GINS1: variants seen among roughly 807,000 people sequenced by gnomAD.
GINS1 encodes GINS complex subunit 1.
Under a neutral mutation model 34.9 loss-of-function variants are expected in GINS1, and 26 were observed. The ratio of observed to expected loss-of-function variants is 0.74; its 90% CI spans 0.55 to 1.03. GINS1 has a LOEUF of 1.03. GINS1 is among the 50% of genes least tolerant of loss of function. The pLI is 0.00. For missense variants in GINS1, 235 were observed against 237.9 expected (o/e 0.99, Z 0.08); for synonymous variants, 97 against 84.4 (o/e 1.15, Z -0.82).
chr20:25,426,523 A>T (rs1312392743), intron 5 of GINS1, among the ~76,000 whole-genome samples: 5 of 148,632 alleles, frequency 3.4e-5, no homozygotes, highest in African/African-American at 1.2e-4. Flanking sequence ...CCATTGCACA[A>T]TTTTTTTTTT....
At chr20:25,419,643 C>A in intron 4 of GINS1, 1 of 794,844 alleles carries the variant, frequency 1.3e-6, no homozygotes, top group Non-Finnish European at 1.7e-6. Flanking sequence ...TGATTTTTCT[C>A]ATACAATATT....
chr20:25,442,648 C>T (rs189483308), intron 6 of GINS1, among the ~76,000 whole-genome samples: 40 of 150,242 alleles, frequency 2.7e-4, no homozygotes, highest in African/African-American at 9.8e-4. Context: ...TGCTCTGTTC[C>T]CCAGGCTGGA....
rs543846128 is a variant in GINS1 at position 25,423,254 on chromosome 20, C to T, written c.331-1957C>T. 5.3e-5 allele frequency among the ~76,000 whole-genome samples: 8 copies of T among 151,310 alleles called. No homozygotes were observed. The East Asian group carries it at 1.4e-3, about 26-fold the overall frequency. On this transcript the variant is annotated intron_variant, in intron 4 of 6. Transcript: ENST00000262460. ...TCAGCCTCTGGAGTAGCTGGGACTACAGGTGTGTGCCACCATGCCCGGCTA... is the reference window on the plus strand; with the variant it reads ...TCAGCCTCTGGAGTAGCTGGGACTATAGGTGTGTGCCACCATGCCCGGCTA...
chr20:25,417,091 A>T lies in GINS1; in HGVS notation c.141-13A>T, dbSNP rs1259480352. On this transcript the variant is annotated splice_polypyrimidine_tract_variant and intron_variant, in intron 2 of 6. Coordinates refer to ENST00000262460, the MANE Select transcript of GINS1 (RefSeq NM_021067.5). ...AAGTACATATTTTTTTTCTTTTTAA[A>T]TGCTCCTATCAGGAATGAAGCAAAG... 2 of 1,263,086 alleles carry T rather than the reference A, an allele frequency of 1.6e-6. No homozygotes were observed. Among genetic ancestry groups the T allele is most frequent in the African/African-American group, 3.0e-5 (2 of 67,206 alleles). 78.2% of individuals were successfully genotyped at this position (1,263,086 alleles called of 1,614,324 possible).
At chr20:25,408,850 A>G (rs1325878791) in intron 1 of GINS1, 3 of 924,798 alleles carry the variant, frequency 3.2e-6, no homozygotes, top group African/African-American at 3.6e-5. Context: ...CCTGCACTCT[A>G]AATTGTATAT....
At chr20:25,435,835 C>T (rs1298252950) in intron 5 of GINS1, among the ~76,000 whole-genome samples, 7 of 118,082 alleles carry the variant, frequency 5.9e-5, no homozygotes, top group Admixed American at 1.0e-4. Flanking sequence ...TTTTTTGAGA[C>T]GGAGTCTCAC....
At chr20:25,444,937 C>T (rs1324720256) in intron 6 of GINS1, among the ~76,000 whole-genome samples, 1 of 152,126 alleles carries the variant, frequency 6.6e-6, no homozygotes, top group Non-Finnish European at 1.5e-5. Context: ...CTCTGAAATC[C>T]AAGAACAGGT....
intron 4 of GINS1, among the ~76,000 whole-genome samples, chr20:25,422,225 C>G (rs1163837296): frequency 6.6e-6 from 1 of 152,034 alleles, no homozygotes; most frequent in Non-Finnish European, 1.5e-5. Context: ...GTCCCTCCTC[C>G]CAGTGATCAC....
chr20:25,415,403 G>T (rs892526782), intron 2 of GINS1, among the ~76,000 whole-genome samples: 5 of 152,124 alleles, frequency 3.3e-5, no homozygotes, highest in African/African-American at 9.7e-5. Flanking sequence ...TGGCTTTCCC[G>T]GGCTGGGCAC....
At chr20:25,439,008 A>G (rs1295090382) in intron 5 of GINS1, among the ~76,000 whole-genome samples, 3 of 152,264 alleles carry the variant, frequency 2.0e-5, no homozygotes, top group African/African-American at 7.2e-5. Context: ...CTCTATCTTA[A>G]GGTAGCCCAA....
At chr20:25,420,976 A>C (rs931221813) in intron 4 of GINS1, 10 of 984,202 alleles carry the variant, frequency 1.0e-5, no homozygotes, top group Non-Finnish European at 1.2e-5. Context: ...CCAGTAACAA[A>C]GAATATTTCC....
chr20:25,439,639 T>TA (rs1053991692), intron 5 of GINS1, among the ~76,000 whole-genome samples: 113 of 152,058 alleles, frequency 7.4e-4, no homozygotes, highest in Middle Eastern at 3.4e-3. Flanking sequence ...GTGGAAACCT[T>TA]AAAAAAAATT....
At chr20:25,432,405 T>C (rs1440725666) in intron 5 of GINS1, among the ~76,000 whole-genome samples, 2 of 151,890 alleles carry the variant, frequency 1.3e-5, no homozygotes, top group Non-Finnish European at 2.9e-5. Flanking sequence ...CGAGTTCAAA[T>C]GATTCTCCTA....
intron 1 of GINS1, among the ~76,000 whole-genome samples, chr20:25,408,110 C>T (rs2090259003): frequency 6.6e-6 from 1 of 152,236 alleles, no homozygotes; most frequent in African/African-American, 2.4e-5. Context: ...GCAAATTTTG[C>T]ATTTTAGCAG....
intron 2 of GINS1, 49 bp from the exon 3 acceptor site, chr20:25,417,055 C>G (rs775880631): frequency 1.2e-6 from 1 of 846,960 alleles, no homozygotes; most frequent in Admixed American, 2.1e-5. Context: ...GAAAATTTTA[C>G]TTATCCTGAA....
chr20:25,434,168 C>T (rs114937917), intron 5 of GINS1, among the ~76,000 whole-genome samples: 1,958 of 151,884 alleles, frequency 0.013, 44 homozygotes, highest in African/African-American at 0.042. Context: ...CTTGTAGTTT[C>T]AGCTACTCAG....
At chr20:25,428,688 G>A (rs537551831) in intron 5 of GINS1, among the ~76,000 whole-genome samples, 5 of 151,930 alleles carry the variant, frequency 3.3e-5, no homozygotes, top group South Asian at 2.1e-4. Context: ...ACAGGTGTGA[G>A]CCACCGCACC....
At chr20:25,416,136 G>A (rs969813107) in intron 2 of GINS1, among the ~76,000 whole-genome samples, 4 of 152,186 alleles carry the variant, frequency 2.6e-5, no homozygotes, top group African/African-American at 9.7e-5. Flanking sequence ...GTTGCTGTGT[G>A]GAGGGGCTGA....
chr20:25,413,135 T>C (rs1320419605), intron 1 of GINS1, among the ~76,000 whole-genome samples: 2 of 151,806 alleles, frequency 1.3e-5, no homozygotes, highest in Non-Finnish European at 2.9e-5. Flanking sequence ...TCTTGGCTCA[T>C]TGCAACCCGG....
Sources: allele counts gnomAD v4.1 joint callset (sites outside exome capture counted in the v4.1 genomes callset), GRCh38; gene constraint gnomAD v4.1.1; transcripts MANE v1.5; gene names NCBI Gene and HGNC (gene_info 2026-07-23, HGNC 2026-07-21).